Variants in BCL11B observed in about 807,000 individuals in gnomAD.
The protein encoded by BCL11B is BCL11 transcription factor B.
BCL11B carries 8 observed loss-of-function variants against 49.9 expected under a neutral mutation model. The ratio of observed to expected loss-of-function variants is 0.16; its 90% CI spans 0.09 to 0.29. BCL11B has a LOEUF of 0.29. Among genes scored for constraint, BCL11B ranks in the 10% least tolerant of loss-of-function variants. BCL11B has a pLI of 1.00. For synonymous variants in BCL11B, 739 were observed against 637.4 expected, an observed-to-expected ratio of 1.16 and a Z score of -2.40; for missense variants, 1,006 against 1,351.0, an observed-to-expected ratio of 0.74 and a Z score of 4.00.
chr14:99,217,371 T>TACACACACATACAGACACAC (rs1887877412), intron 3 of BCL11B, among the ~76,000 whole-genome samples: 1 of 145,106 alleles, frequency 6.9e-6, no homozygotes, highest in Admixed American at 6.9e-5. Flanking sequence ...AGTACAAATA[T>TACACACACATACAGACACAC]ACACACACAT....
chr14:99,216,799 T>C (rs1887847288), intron 3 of BCL11B, among the ~76,000 whole-genome samples: 1 of 152,078 alleles, frequency 6.6e-6, no homozygotes, highest in Admixed American at 6.6e-5. Context: ...CATACACATA[T>C]ACACTCAACA....
Position 99,248,288 on chromosome 14 carries a change from A to C in BCL11B, c.427+9183T>G, listed in dbSNP as rs1253009153. Reference sequence around the variant, plus strand: ...CAAGAAAACTCAAAAACAAAATAAAATGAAGCCTCGGGTGCCTTGCCTTCT... The same window carrying C: ...CAAGAAAACTCAAAAACAAAATAAACTGAAGCCTCGGGTGCCTTGCCTTCT... On this transcript the variant is annotated intron_variant, in intron 2 of 3. Transcript: ENST00000357195. The surrounding 1 kb of genome is among the most constrained non-coding windows in gnomAD (Gnocchi z 4.7). 6.6e-6 allele frequency among the ~76,000 whole-genome samples: 1 copy of C among 152,112 alleles called. No homozygotes were observed. Among genetic ancestry groups the C allele is most frequent in the African/African-American group, 2.4e-5 (1 of 41,406 alleles).
At chr14:99,217,121 C>A (rs1011384762) in intron 3 of BCL11B, among the ~76,000 whole-genome samples, 1 of 152,166 alleles carries the variant, frequency 6.6e-6, no homozygotes, top group African/African-American at 2.4e-5. Flanking sequence ...TACACATACA[C>A]ATATGTGCAC....
In BCL11B at chr14:99,174,994, C is replaced by T. The variant is rs1886438365; in HGVS notation, c.1842G>A (p.Leu614=). 2 of 1,581,624 alleles carry T rather than the reference C, an allele frequency of 1.3e-6. No homozygotes were observed. Among genetic ancestry groups the T allele is most frequent in the South Asian group, 1.1e-5 (1 of 90,384 alleles). ...AGGCGCCGCGCTTCTGCTTGTCGGC[C>T]AGGAGCTCGCCGTACTGCGGCAGTG... The part of the protein sequence containing the change: ...LGALPQYGEL[L]ADKQKRGAFL... The change falls in exon 4 of 4, where the codon CTG becomes CTA. Residue 614 remains leucine (L), a synonymous_variant. Transcript: ENST00000357195.
chr14:99,229,738 G>A lies in BCL11B; in HGVS notation c.640+1607C>T, dbSNP rs74520856. On this transcript the variant is annotated intron_variant, in intron 3 of 3. Transcript: ENST00000357195. ...TTTCTGTGCCACGGAACTTGACCGCGTCCAGTAATAAACACTCAGGCTGAT... is the reference window on the plus strand; with the variant it reads ...TTTCTGTGCCACGGAACTTGACCGCATCCAGTAATAAACACTCAGGCTGAT... 7.8e-3 allele frequency among the ~76,000 whole-genome samples: 1,181 copies of A among 152,224 alleles called. 6 individuals carry two copies. The highest frequency in any genetic ancestry group is 0.012 in the Non-Finnish European group (839 of 68,006).
chr14:99,178,367 A>T (rs1223973417), intron 3 of BCL11B, among the ~76,000 whole-genome samples: 1 of 152,208 alleles, frequency 6.6e-6, no homozygotes, highest in Non-Finnish European at 1.5e-5. Context: ...TCTCTTAGTC[A>T]TCCAGGTAAC....
chr14:99,206,342 T>C (rs1566809673), intron 3 of BCL11B, among the ~76,000 whole-genome samples: 2 of 152,354 alleles, frequency 1.3e-5, no homozygotes, highest in South Asian at 2.1e-4. Flanking sequence ...AGTAGTTCCC[T>C]GTTACCCGTG....
chr14:99,233,854 C>T (rs886447083), intron 2 of BCL11B, among the ~76,000 whole-genome samples: 3 of 152,154 alleles, frequency 2.0e-5, no homozygotes, highest in Non-Finnish European at 2.9e-5. Flanking sequence ...AGTCCACCTG[C>T]TCCAGGGACC....
At chr14:99,207,054 A>T (rs1191952263) in intron 3 of BCL11B, among the ~76,000 whole-genome samples, 1 of 152,246 alleles carries the variant, frequency 6.6e-6, no homozygotes, top group East Asian at 1.9e-4. Context: ...TCATAAGTGA[A>T]TCAGAAATCA....
rs1056312472 is a variant in BCL11B, at chr14:99,231,659, C to A, written c.428-102G>T. On this transcript the variant is annotated intron_variant, in intron 2 of 3. Transcript: ENST00000357195. This position sits in a 1 kb window ranked among gnomAD's most constrained non-coding sequence, Gnocchi z 8.1. ...GGGGCGTGGGGCTCTGCTCAGGCCA[C>A]CCTTCGGGGGTGGGAGGCCCCCGGG... is the stretch of plus-strand genomic sequence containing the variant. 7.7e-7 allele frequency: 1 copy of A among 1,290,774 alleles called. No homozygotes were observed. The highest frequency in any genetic ancestry group is 1.1e-6 in the Non-Finnish European group (1 of 934,112). 80.0% of individuals were successfully genotyped at this position (1,290,774 alleles called of 1,614,324 possible). A position where few individuals can be genotyped will look rare whatever the true frequency, so the allele number is the denominator to read the frequency against.
rs1886387561 is a variant in BCL11B, at chr14:99,174,178, G to A, written c.2658C>T (p.Val886=). Residue 886 remains valine (V), a synonymous_variant, in exon 4 of 4, where the codon GTC becomes GTT. Coordinates refer to ENST00000357195, the MANE Select transcript of BCL11B (RefSeq NM_138576.4). ...WHGEHLLTND[V]KIEQAERS is the part of the protein sequence containing the mutation. Reference sequence around the variant, plus strand: ...AGCTCCTCTCGGCCTGCTCGATTTTGACGTCGTTAGTCAGCAAGTGCTCGC... The same window carrying A: ...AGCTCCTCTCGGCCTGCTCGATTTTAACGTCGTTAGTCAGCAAGTGCTCGC... The A allele has an allele frequency of 1.2e-6, 2 of 1,613,184 alleles. No homozygotes were observed. The highest frequency in any genetic ancestry group is 1.7e-6 in the Non-Finnish European group (2 of 1,180,022).
In BCL11B at chr14:99,247,898, G is replaced by C. The variant is rs537852111; in HGVS notation, c.427+9573C>G. 6.6e-6 allele frequency among the ~76,000 whole-genome samples: 1 copy of C among 152,172 alleles called. No homozygotes were observed. The highest frequency in any genetic ancestry group is 2.1e-4 in the South Asian group (1 of 4,830). On this transcript the variant is annotated intron_variant, in intron 2 of 3. Coordinates refer to ENST00000357195, the MANE Select transcript of BCL11B (RefSeq NM_138576.4). This position sits in a 1 kb window ranked among gnomAD's most constrained non-coding sequence, Gnocchi z 4.5. ...CACTCAGCCCCCAGGGCAGGGGATG[G>C]GGGGAAAACAGCCCTGATCAAACAT...
At chr14:99,254,681 G>A (rs1889105908) in intron 2 of BCL11B, among the ~76,000 whole-genome samples, 1 of 152,236 alleles carries the variant, frequency 6.6e-6, no homozygotes, top group Non-Finnish European at 1.5e-5. Context: ...GGAGGGATTG[G>A]AGGACTCCTT....
Position 99,257,552 on chromosome 14 carries a change from C to T in BCL11B, c.346G>A (p.Gly116Arg). The change falls in exon 2 of 4, where the codon GGG becomes AGG. Residue 116 changes from glycine (G) to arginine (R), a missense_variant. By Grantham distance (125) the Gly-to-Arg change is moderately radical. Around this residue, in one of 6 missense-constraint regions of BCL11B, gnomAD observed 411 missense variants for 542.2 expected, o/e 0.76. Transcript: ENST00000357195. This position sits in a 1 kb window ranked among gnomAD's most constrained non-coding sequence, Gnocchi z 6.2. ...LRKVSEPVEI[G>R]IQVTPDEDDH... is the part of the protein sequence containing the mutation. ...TCTTCGTCGGGGGTGACTTGGATCC[C>T]GATCTCCACCGGCTCGGACACTTTC... The T allele has an allele frequency of 6.2e-7, 1 of 1,613,934 alleles. No homozygotes were observed. Among genetic ancestry groups the T allele is most frequent in the Non-Finnish European group, 8.5e-7 (1 of 1,179,910 alleles).
rs78702992 is a variant in BCL11B, at chr14:99,234,657, A to G, written c.428-3100T>C. On this transcript the variant is annotated intron_variant, in intron 2 of 3. Coordinates refer to ENST00000357195, the MANE Select transcript of BCL11B (RefSeq NM_138576.4). ...GGTCAGCCCTGAGCCAGAGCCGGAG[A>G]TCCAGGAAACTCACCAAACGGTCAC... Among the ~76,000 whole-genome samples, 881 of 152,172 alleles carry G rather than the reference A, an allele frequency of 5.8e-3. 8 individuals are homozygous for G. The highest frequency in any genetic ancestry group is 0.02 in the African/African-American group (849 of 41,510).
chr14:99,193,176 G>A (rs183321351), intron 3 of BCL11B, among the ~76,000 whole-genome samples: 13 of 152,224 alleles, frequency 8.5e-5, no homozygotes, highest in African/African-American at 2.6e-4. Flanking sequence ...TAGTGATTTC[G>A]GCCTCTTACA....
At chr14:99,249,222 C>T (rs1888930224) in intron 2 of BCL11B, among the ~76,000 whole-genome samples, 1 of 152,174 alleles carries the variant, frequency 6.6e-6, no homozygotes, top group Non-Finnish European at 1.5e-5. Flanking sequence ...GAGGCCTGGG[C>T]TCCTGGGACA....
intron 2 of BCL11B, among the ~76,000 whole-genome samples, chr14:99,252,839 ATTCCT>A (rs1161212441): frequency 7.9e-5 from 12 of 152,254 alleles, no homozygotes; most frequent in African/African-American, 9.6e-5. Context: ...GCAAAACCAA[ATTCCT>A]GGTGATCAAG....
In BCL11B at chr14:99,228,525, T is replaced by A. The variant is rs1888221207; in HGVS notation, c.640+2820A>T. Among the ~76,000 whole-genome samples the A allele has an allele frequency of 6.6e-6, 1 of 152,160 alleles. No individual in the cohort carries two copies. Among genetic ancestry groups the A allele is most frequent in the Admixed American group, 6.6e-5 (1 of 15,264 alleles). On this transcript the variant is annotated intron_variant, in intron 3 of 3. Coordinates refer to ENST00000357195, the MANE Select transcript of BCL11B (RefSeq NM_138576.4). This position sits in a 1 kb window ranked among gnomAD's most constrained non-coding sequence, Gnocchi z 4.8. The stretch of plus-strand genomic sequence containing the variant: ...GGTCTCCTGGAGCAGTCCTAGGGGC[T>A]CAGCCTCCTGCAGTCCCAGCCCCAG...
Sources: gnomAD v4.1 joint callset for allele counts (sites outside exome capture counted in the v4.1 genomes callset) on GRCh38, gnomAD v4.1.1 for gene constraint, gnomAD v4.1.1 regional missense constraint, Gnocchi (gnomAD v3.1) non-coding constraint, MANE v1.5 for transcripts, NCBI Gene and HGNC (gene_info 2026-07-23, HGNC 2026-07-21) for gene names.